Variants in JAK2 observed in about 807,000 individuals in gnomAD.
The protein encoded by JAK2 is tyrosine-protein kinase JAK2.
A neutral mutation model predicts 139.3 loss-of-function variants in JAK2; 86 were observed. The ratio of observed to expected loss-of-function variants is 0.62; its 90% CI spans 0.52 to 0.74. The LOEUF (loss-of-function observed/expected upper bound fraction) is 0.74, where lower values mean the gene tolerates loss of function less well. JAK2 is among the 30% of genes least tolerant of loss of function. The probability of loss-of-function intolerance (pLI) is 0.00; values close to 1 mark genes in which losing one functional copy is unlikely to be tolerated. For missense variants in JAK2, 1,421 were observed against 1,360.3 expected, an observed-to-expected ratio of 1.04 and a Z score of -0.70; for synonymous variants, 490 against 437.7, an observed-to-expected ratio of 1.12 and a Z score of -1.49.
At chr9:4,986,513 T>C (rs901700813) in intron 2 of JAK2, among the ~76,000 whole-genome samples, 11 of 152,186 alleles carry the variant, frequency 7.2e-5, no homozygotes, top group African/African-American at 2.2e-4. Context: ...AAACTCCATT[T>C]CTCTGAATGA....
In JAK2 at chr9:5,064,962, C is replaced by T. The variant is rs775566659; in HGVS notation, c.1136C>T (p.Ala379Val). 1.2e-6 allele frequency: 2 copies of T among 1,605,992 alleles called. No homozygotes were observed. Among genetic ancestry groups the T allele is most frequent in the Non-Finnish European group, 1.7e-6 (2 of 1,174,212 alleles). The change falls in exon 9 of 25, where the codon GCA becomes GTA. Residue 379 changes from alanine (A) to valine (V), a missense_variant. By Grantham distance (64) the Ala-to-Val change is moderately conservative. Coordinates refer to ENST00000381652, the MANE Select transcript of JAK2 (RefSeq NM_004972.4). ...IDGYYRLTAD[A>V]HHYLCKEVAP... ...GGATATTATAGATTAACTGCAGATG[C>T]ACATCATTACCTCTGTAAAGAAGTA...
At chr9:4,985,012 A>C (rs945825705), upstream of JAK2, 4 of 152,274 alleles carry the variant, frequency 2.6e-5, no homozygotes, top group African/African-American at 9.7e-5. Context: ...CGCGACCAGC[A>C]CCGAGCGGCG....
chr9:5,000,518 G>C (rs1468486687), intron 2 of JAK2, among the ~76,000 whole-genome samples: 1 of 152,182 alleles, frequency 6.6e-6, no homozygotes, highest in Non-Finnish European at 1.5e-5. Flanking sequence ...TATAGTCATT[G>C]TGTAGATGGT....
intron 22 of JAK2, among the ~76,000 whole-genome samples, chr9:5,093,008 C>T (rs1407003023): frequency 6.6e-6 from 1 of 152,114 alleles, no homozygotes; most frequent in Non-Finnish European, 1.5e-5. Context: ...GCTCAACATC[C>T]AAGTATCTTA....
At chr9:5,050,252 C>T (rs182810323) in intron 5 of JAK2, among the ~76,000 whole-genome samples, 80 of 152,186 alleles carry the variant, frequency 5.3e-4, no homozygotes, top group Non-Finnish European at 9.1e-4. Flanking sequence ...AAAATTGTAT[C>T]GCAAAATGAA....
chr9:5,085,723 C>T, intron 19 of JAK2: 1 of 752,466 alleles, frequency 1.3e-6, no homozygotes, highest in South Asian at 1.4e-5. Flanking sequence ...TGGATCATTT[C>T]TGCAATTAAG....
At chr9:4,994,768 C>T (rs1026842660) in intron 2 of JAK2, among the ~76,000 whole-genome samples, 5 of 152,172 alleles carry the variant, frequency 3.3e-5, no homozygotes, top group African/African-American at 7.2e-5. Flanking sequence ...TTACTTGACT[C>T]CACATCTCTT....
At chr9:5,037,053 C>T (rs749646272) in intron 4 of JAK2, among the ~76,000 whole-genome samples, 12 of 152,110 alleles carry the variant, frequency 7.9e-5, no homozygotes, top group South Asian at 4.1e-4. Flanking sequence ...GCGAAGGATA[C>T]GAACAGACAC....
chr9:5,054,958 C>T lies in JAK2; in HGVS notation c.936+74C>T. ...GAAATAAAAACAAAGTAATTTTAAT[C>T]ATTTGCAACATGGTATTGCACTTCT... On this transcript the variant is annotated intron_variant, in intron 7 of 24. Transcript: ENST00000381652. The surrounding 1 kb of genome is among the most constrained non-coding windows in gnomAD (Gnocchi z 4.9). 3 of 1,105,432 alleles carry T rather than the reference C, an allele frequency of 2.7e-6. No homozygotes were observed. 68.5% of individuals were successfully genotyped at this position (1,105,432 alleles called of 1,614,324 possible).
Position 5,078,304 on chromosome 9 carries a change from A to C in JAK2, c.1993-2A>C. ...GAATATATGTGCGTTTAACTCTAAT[A>C]GGAAGAAAACACCCTTATTCATGGG... On this transcript the variant is annotated splice_acceptor_variant, in intron 15 of 24. Coordinates refer to ENST00000381652, the MANE Select transcript of JAK2 (RefSeq NM_004972.4). LOFTEE classifies it high-confidence loss of function. 1 of 1,610,040 alleles carries C rather than the reference A, an allele frequency of 6.2e-7. No individual in the cohort carries two copies. Among genetic ancestry groups the C allele is most frequent in the Non-Finnish European group, 8.5e-7 (1 of 1,177,328 alleles).
intron 2 of JAK2, among the ~76,000 whole-genome samples, chr9:5,005,343 A>G (rs953449028): frequency 3.3e-5 from 5 of 151,544 alleles, no homozygotes; most frequent in African/African-American, 1.2e-4. Flanking sequence ...TGCATTTCTT[A>G]TCTATTTTGG....
intron 2 of JAK2, among the ~76,000 whole-genome samples, chr9:5,001,581 A>G (rs1015249696): frequency 1.0e-4 from 15 of 150,026 alleles, no homozygotes; most frequent in African/African-American, 3.2e-4. Flanking sequence ...TCCTGGTTCT[A>G]TGTTCTATTA....
chr9:5,110,121 G>GCAAA (rs1822327808), intron 22 of JAK2: 1 of 152,172 alleles, frequency 6.6e-6, no homozygotes, highest in Non-Finnish European at 1.5e-5. Context: ...TCTCTTAGCA[G>GCAAA]CAGCAGGAAA....
intron 16 of JAK2, among the ~76,000 whole-genome samples, chr9:5,079,073 G>T (rs146307625): frequency 6.6e-6 from 1 of 152,256 alleles, no homozygotes; most frequent in Non-Finnish European, 1.5e-5. Context: ...GCACTGATGT[G>T]TCCTATTTAA....
intron 12 of JAK2, 99 bp downstream of exon 12, chr9:5,070,151 A>G (rs1818859433): frequency 3.9e-6 from 3 of 772,916 alleles, no homozygotes; most frequent in Non-Finnish European, 3.8e-6. Context: ...ATTTTGTTAT[A>G]TACAAATTTA....
rs878992115 is a variant in JAK2, at chr9:5,066,591, T to G, written c.1215-87T>G. The G allele has an allele frequency of 3.0e-5, 23 of 756,830 alleles. No homozygotes were observed. The South Asian group carries it at 3.3e-4, about 11-fold the overall frequency. The allele number at this position is 756,830 out of a possible 1,614,324, so 46.9% of individuals were successfully genotyped here. On this transcript the variant is annotated intron_variant, in intron 9 of 24. Transcript: ENST00000381652. Reference sequence around the variant, plus strand: ...AGGAGACAATTCTGACAGTTTTAGATTTGACTTTTGATTGTTTTAGATGAC... The same window carrying G: ...AGGAGACAATTCTGACAGTTTTAGAGTTGACTTTTGATTGTTTTAGATGAC...
At chr9:5,075,899 G>C (rs1481302279) in intron 14 of JAK2, among the ~76,000 whole-genome samples, 1 of 152,176 alleles carries the variant, frequency 6.6e-6, no homozygotes, top group African/African-American at 2.4e-5. Flanking sequence ...GCCAGGAATA[G>C]CATTCATGGT....
At chr9:5,124,584 G>C (rs1371020542) in intron 23 of JAK2, among the ~76,000 whole-genome samples, 1 of 151,716 alleles carries the variant, frequency 6.6e-6, no homozygotes, top group Admixed American at 6.6e-5. Context: ...GAACCAAAAA[G>C]AGCCCTAATA....
intron 3 of JAK2, among the ~76,000 whole-genome samples, chr9:5,023,432 T>C (rs1342295119): frequency 6.6e-6 from 1 of 152,146 alleles, no homozygotes; most frequent in African/African-American, 2.4e-5. Flanking sequence ...TGCTTAGGAC[T>C]CGGGGGGAGC....
Sources: allele counts gnomAD v4.1 joint callset (sites outside exome capture counted in the v4.1 genomes callset), GRCh38; gene constraint gnomAD v4.1.1; non-coding constraint Gnocchi (gnomAD v3.1); transcripts MANE v1.5; gene names NCBI Gene and HGNC (gene_info 2026-07-23, HGNC 2026-07-21).